The following DIAPH3 variants were observed in gnomAD, a reference collection of about 807,000 sequenced individuals.
DIAPH3 encodes protein diaphanous homolog 3.
DIAPH3 carries 117 observed loss-of-function variants against 144.3 expected under a neutral mutation model. The observed-to-expected ratio is 0.81, with a 90% CI of 0.70 to 0.95. The LOEUF (loss-of-function observed/expected upper bound fraction) is 0.95, where lower values mean the gene tolerates loss of function less well. DIAPH3 is among the 40% of genes least tolerant of loss of function. The pLI is 0.00. For synonymous variants in DIAPH3, 519 were observed against 488.9 expected (o/e 1.06, Z -0.81); for missense variants, 1,421 against 1,412.7 (o/e 1.01, Z -0.09).
rs570831322 is a variant in DIAPH3 at position 60,124,685 on chromosome 13, G to A, written c.213+8272C>T. 4.6e-5 allele frequency among the ~76,000 whole-genome samples: 7 copies of A among 151,942 alleles called. No individual in the cohort carries two copies. The South Asian group carries it at 8.3e-4, about 18-fold the overall frequency. On this transcript the variant is annotated intron_variant, in intron 2 of 27. Coordinates refer to ENST00000400324, the MANE Select transcript of DIAPH3 (RefSeq NM_001042517.2). ...CTTGGTAACATGGAGAAACCCCATC[G>A]CTACAAAAAAATACAAAAATTAGCC...
intron 9 of DIAPH3, among the ~76,000 whole-genome samples, chr13:60,002,387 C>G (rs1466258360): frequency 1.3e-5 from 2 of 152,184 alleles, no homozygotes; most frequent in Non-Finnish European, 2.9e-5. Flanking sequence ...TCCCTATGCT[C>G]AAGGTTTCTC....
chr13:59,883,606 A>T (rs7335363), intron 20 of DIAPH3, among the ~76,000 whole-genome samples: 14 of 151,930 alleles, frequency 9.2e-5, no homozygotes, highest in South Asian at 4.1e-4. Flanking sequence ...TCACATTATA[A>T]GAAATAACAG....
intron 5 of DIAPH3, among the ~76,000 whole-genome samples, chr13:60,016,441 A>G (rs2140990563): frequency 6.6e-6 from 1 of 152,262 alleles, no homozygotes; most frequent in Middle Eastern, 3.4e-3. Flanking sequence ...AGCCACAGTG[A>G]AAGTATTCAC....
At chr13:60,041,671 C>G (rs948171959) in intron 5 of DIAPH3, among the ~76,000 whole-genome samples, 2 of 152,070 alleles carry the variant, frequency 1.3e-5, no homozygotes, top group Non-Finnish European at 2.9e-5. Flanking sequence ...TTCTAGCCTT[C>G]AGAACACACA....
intron 22 of DIAPH3, among the ~76,000 whole-genome samples, chr13:59,860,156 T>C (rs1025979327): frequency 2.6e-5 from 4 of 152,154 alleles, no homozygotes; most frequent in Non-Finnish European, 5.9e-5. Context: ...CCTCATTTTA[T>C]AGAAGAAGAA....
At chr13:59,787,762 A>G (rs1431099017) in intron 25 of DIAPH3, among the ~76,000 whole-genome samples, 1 of 152,042 alleles carries the variant, frequency 6.6e-6, no homozygotes, top group Non-Finnish European at 1.5e-5. Flanking sequence ...TTCCCCCCCA[A>G]CCCCAAATTT....
chr13:60,019,019 C>T (rs2053837865), intron 5 of DIAPH3, among the ~76,000 whole-genome samples: 1 of 152,060 alleles, frequency 6.6e-6, no homozygotes. Flanking sequence ...GTGTTTCACC[C>T]TCACCCCTAC....
chr13:60,022,316 C>T (rs555054129), intron 5 of DIAPH3, among the ~76,000 whole-genome samples: 3 of 152,248 alleles, frequency 2.0e-5, no homozygotes, highest in South Asian at 2.1e-4. Context: ...GGCATCCTTG[C>T]CTTGTTCTCA....
At chr13:59,704,055 A>C (rs1278489373) in intron 27 of DIAPH3, among the ~76,000 whole-genome samples, 1 of 152,140 alleles carries the variant, frequency 6.6e-6, no homozygotes, top group Admixed American at 6.5e-5. Context: ...TTTTCGACTG[A>C]TTGTCTGGCA....
rs17057409 is a variant in DIAPH3, at chr13:59,857,682, G to A, written c.2737+3725C>T. 2.1e-3 allele frequency among the ~76,000 whole-genome samples: 327 copies of A among 152,234 alleles called. 1 individual carries two copies. The highest frequency in any genetic ancestry group is 5.8e-3 in the African/African-American group (241 of 41,552). On this transcript the variant is annotated intron_variant, in intron 22 of 27. Transcript: ENST00000400324. Reference sequence around the variant, plus strand: ...TAAAGTATAAGAATTCCTGGAAAACGTATGAATTTATCCTTAAATAAAGAG... The same window carrying A: ...TAAAGTATAAGAATTCCTGGAAAACATATGAATTTATCCTTAAATAAAGAG...
At chr13:59,989,352 A>T (rs1362976503) in intron 12 of DIAPH3, among the ~76,000 whole-genome samples, 2 of 151,836 alleles carry the variant, frequency 1.3e-5, no homozygotes, top group East Asian at 3.9e-4. Context: ...ATCTTGGAAT[A>T]AAAGCATATT....
intron 5 of DIAPH3, among the ~76,000 whole-genome samples, chr13:60,041,454 A>G (rs1209248158): frequency 6.6e-6 from 1 of 152,216 alleles, no homozygotes; most frequent in Admixed American, 6.5e-5. Flanking sequence ...TAAAGTTGAA[A>G]TATACTAAAG....
chr13:59,723,479 G>A (rs191974685), intron 27 of DIAPH3, among the ~76,000 whole-genome samples: 2 of 152,214 alleles, frequency 1.3e-5, no homozygotes, highest in East Asian at 1.9e-4. Flanking sequence ...GTGTGTATGT[G>A]TGTGCGTGTG....
At chr13:60,037,883 ATTAG>A (rs980230283) in intron 5 of DIAPH3, among the ~76,000 whole-genome samples, 4 of 152,102 alleles carry the variant, frequency 2.6e-5, no homozygotes, top group Non-Finnish European at 5.9e-5. Context: ...TATGAAAATG[ATTAG>A]TTGGGAAAAA....
In DIAPH3 at chr13:59,870,858, C is replaced by T. The variant is rs553210576; in HGVS notation, c.2607+8371G>A. On this transcript the variant is annotated intron_variant, in intron 21 of 27. Coordinates refer to ENST00000400324, the MANE Select transcript of DIAPH3 (RefSeq NM_001042517.2). ...GCTAATTTTGTATTTTTAGTAGAGA[C>T]GGGGTTTCTCCATGTTGGTCAAGCT... 4.2e-4 allele frequency among the ~76,000 whole-genome samples: 64 copies of T among 151,818 alleles called. No individual in the cohort carries two copies. The South Asian group carries it at 5.0e-3, about 12-fold the overall frequency.
At chr13:60,050,910 T>C (rs913166577) in intron 4 of DIAPH3, among the ~76,000 whole-genome samples, 26 of 152,140 alleles carry the variant, frequency 1.7e-4, no homozygotes, top group African/African-American at 3.4e-4. Context: ...TGGAAAACAT[T>C]AGATGTCCTC....
intron 27 of DIAPH3, among the ~76,000 whole-genome samples, chr13:59,723,668 T>A (rs1391827430): frequency 1.3e-5 from 2 of 151,836 alleles, no homozygotes; most frequent in Non-Finnish European, 2.9e-5. Context: ...TGGTGTGCAG[T>A]GGCGCAATCT....
rs143074388 is a variant in DIAPH3 at position 60,075,520 on chromosome 13, A to G, written c.495+18108T>C. ...CTTGAAGATTAATTTTGGTAATATC[A>G]TCTCAGGATGATAGTGTAATTTTCA... On this transcript the variant is annotated intron_variant, in intron 4 of 27. Transcript: ENST00000400324. Among the ~76,000 whole-genome samples, 5 of 152,306 alleles carry G rather than the reference A, an allele frequency of 3.3e-5. No individual in the cohort carries two copies. The East Asian group carries it at 9.6e-4, about 29-fold the overall frequency.
At chr13:60,056,379 T>C (rs2141269943) in intron 4 of DIAPH3, among the ~76,000 whole-genome samples, 1 of 151,918 alleles carries the variant, frequency 6.6e-6, no homozygotes, top group Non-Finnish European at 1.5e-5. Context: ...TGGGTATGTG[T>C]ATACAAATAT....
Sources: gnomAD v4.1 joint callset for allele counts (sites outside exome capture counted in the v4.1 genomes callset) on GRCh38, gnomAD v4.1.1 for gene constraint, MANE v1.5 for transcripts, NCBI Gene and HGNC (gene_info 2026-07-23, HGNC 2026-07-21) for gene names.